The following GRM8 variants were observed in gnomAD, a reference collection of about 807,000 sequenced individuals.
GRM8 encodes metabotropic glutamate receptor 8.
In GRM8, 47 loss-of-function variants were observed where a neutral mutation model predicts 87.2. That is an observed-to-expected ratio of 0.54 (90% CI 0.43 to 0.69). The LOEUF is 0.69. Ranked by LOEUF, GRM8 falls within the 30% of genes least tolerant of loss-of-function variation. GRM8 has a pLI of 0.00. For synonymous variants in GRM8, 396 were observed against 404.5 expected (o/e 0.98, Z 0.25); for missense variants, 1,019 against 1,139.2 (o/e 0.89, Z 1.52).
chr7:126,545,460 G>A (rs1443903354), intron 8 of GRM8, among the ~76,000 whole-genome samples: 1 of 152,094 alleles, frequency 6.6e-6, no homozygotes, highest in Non-Finnish European at 1.5e-5. Context: ...TTATATTATA[G>A]ATGGCCAAAT....
At chr7:126,648,173 C>T (rs142951660) in intron 7 of GRM8, among the ~76,000 whole-genome samples, 1,803 of 152,236 alleles carry the variant, frequency 0.012, 32 homozygotes, top group African/African-American at 0.041. Context: ...TCATTGCAAA[C>T]TTCAGAGAGA....
chr7:127,243,311 T>G lies in GRM8; in HGVS notation c.-107A>C. 6.3e-6 allele frequency: 6 copies of G among 958,064 alleles called. No individual in the cohort carries two copies. The highest frequency in any genetic ancestry group is 9.3e-6 in the Non-Finnish European group (6 of 641,870). 59.3% of individuals were successfully genotyped at this position (958,064 alleles called of 1,614,324 possible). A position where few individuals can be genotyped will look rare whatever the true frequency, so the allele number is the denominator to read the frequency against. ...TTCTGGAGGCTACCATCAGGGCCCA[T>G]GGGGAAAAGGCTCTGTGGGCATTAG... On this transcript the variant is annotated 5_prime_UTR_variant, in exon 2 of 11. An upstream start codon of the reference 5' UTR is lost. Coordinates refer to ENST00000339582, the MANE Select transcript of GRM8 (RefSeq NM_000845.3).
chr7:127,060,229 A>C (rs1391297477), intron 3 of GRM8, among the ~76,000 whole-genome samples: 1 of 152,216 alleles, frequency 6.6e-6, no homozygotes. Context: ...TTTAGAGGTT[A>C]TGAGAGCAAT....
intron 6 of GRM8, among the ~76,000 whole-genome samples, chr7:126,837,315 G>T (rs906750778): frequency 1.3e-5 from 2 of 152,132 alleles, no homozygotes; most frequent in Non-Finnish European, 2.9e-5. Context: ...ATGCTACCAT[G>T]TTACATAAAA....
chr7:127,146,826 C>T (rs1014685887), intron 2 of GRM8, among the ~76,000 whole-genome samples: 1 of 152,024 alleles, frequency 6.6e-6, no homozygotes, highest in African/African-American at 2.4e-5. Flanking sequence ...CTGTACACCA[C>T]CTCACCTCTG....
At chr7:126,734,127 G>T (rs1813921740) in intron 7 of GRM8, among the ~76,000 whole-genome samples, 1 of 151,824 alleles carries the variant, frequency 6.6e-6, no homozygotes, top group Non-Finnish European at 1.5e-5. Flanking sequence ...GAATTTCCCA[G>T]AACTACATTA....
intron 3 of GRM8, among the ~76,000 whole-genome samples, chr7:127,044,264 C>G (rs961222680): frequency 6.6e-6 from 1 of 152,148 alleles, no homozygotes; most frequent in Non-Finnish European, 1.5e-5. Context: ...GAAGCAGAAC[C>G]AAGCTCAAGG....
At chr7:126,510,799 G>A (rs1014878848) in intron 9 of GRM8, among the ~76,000 whole-genome samples, 7 of 152,082 alleles carry the variant, frequency 4.6e-5, no homozygotes, top group African/African-American at 1.7e-4. Context: ...TGCTGACACT[G>A]TACTCTGCAC....
intron 3 of GRM8, among the ~76,000 whole-genome samples, chr7:126,945,384 G>A (rs2131565267): frequency 6.6e-6 from 1 of 152,170 alleles, no homozygotes; most frequent in South Asian, 2.1e-4. Context: ...ATTTTATACA[G>A]GTTGAGCATC....
At chr7:126,683,627 T>C (rs906442545) in intron 7 of GRM8, among the ~76,000 whole-genome samples, 13 of 152,226 alleles carry the variant, frequency 8.5e-5, no homozygotes, top group Non-Finnish European at 1.0e-4. Flanking sequence ...GAAGGTCAAG[T>C]ATATATTGCA....
chr7:126,850,285 G>A (rs1192645040), intron 6 of GRM8, among the ~76,000 whole-genome samples: 1 of 152,112 alleles, frequency 6.6e-6, no homozygotes, highest in South Asian at 2.1e-4. Context: ...TATGCCCCTG[G>A]CTGTTCTTTT....
chr7:126,994,313 C>A (rs17869590), intron 3 of GRM8, among the ~76,000 whole-genome samples: 1 of 152,134 alleles, frequency 6.6e-6, no homozygotes, highest in Non-Finnish European at 1.5e-5. Flanking sequence ...AAAGAGCCCC[C>A]GAACCCTGAA....
At chr7:126,476,981 T>C (rs1408874521) in intron 9 of GRM8, among the ~76,000 whole-genome samples, 1 of 152,074 alleles carries the variant, frequency 6.6e-6, no homozygotes, top group East Asian at 1.9e-4. Flanking sequence ...GATATGGAAA[T>C]AACCTAAGTA....
intron 3 of GRM8, among the ~76,000 whole-genome samples, chr7:126,970,162 T>A (rs57760561): frequency 0.013 from 2,048 of 152,266 alleles, 42 homozygotes; most frequent in African/African-American, 0.047. Context: ...AGATGGTAAA[T>A]GAGCATTGGC....
intron 3 of GRM8, among the ~76,000 whole-genome samples, chr7:126,989,180 A>G (rs761731753): frequency 6.6e-6 from 1 of 152,212 alleles, no homozygotes; most frequent in Non-Finnish European, 1.5e-5. Flanking sequence ...CTCTTAGGGT[A>G]CAATAAATCA....
intron 3 of GRM8, among the ~76,000 whole-genome samples, chr7:127,015,033 AG>A: frequency 8.1e-6 from 1 of 123,204 alleles, no homozygotes; most frequent in Non-Finnish European, 1.8e-5. Flanking sequence ...AAGAAGAAGA[AG>A]AAGAAGAAGA....
intron 8 of GRM8, among the ~76,000 whole-genome samples, chr7:126,586,035 T>C (rs1161884114): frequency 6.6e-6 from 1 of 151,784 alleles, no homozygotes; most frequent in East Asian, 1.9e-4. Context: ...CATATACCAA[T>C]AACAGACAAA....
chr7:126,485,629 C>G (rs765597860), intron 9 of GRM8, among the ~76,000 whole-genome samples: 3 of 151,960 alleles, frequency 2.0e-5, no homozygotes, highest in East Asian at 3.9e-4. Flanking sequence ...AGTATAGACA[C>G]TGGGTACAAG....
intron 6 of GRM8, among the ~76,000 whole-genome samples, chr7:126,775,478 GGTTTTTTT>G (rs1302204162): frequency 3.5e-5 from 4 of 114,154 alleles, no homozygotes; most frequent in African/African-American, 8.0e-5. Context: ...CTGACAAATA[GGTTTTTTT>G]TTTTTTTTTT....
Sources: gnomAD v4.1 joint callset for allele counts (sites outside exome capture counted in the v4.1 genomes callset) on GRCh38, gnomAD v4.1.1 for gene constraint, MANE v1.5 for transcripts, NCBI Gene and HGNC (gene_info 2026-07-23, HGNC 2026-07-21) for gene names.